Variants in CADM2 observed in about 807,000 individuals in gnomAD.
The protein encoded by CADM2 is immunoglobulin superfamily member 4D.
CADM2 carries 12 observed loss-of-function variants against 49.8 expected under a neutral mutation model. The ratio of observed to expected loss-of-function variants is 0.24; its 90% CI spans 0.15 to 0.39. The LOEUF is 0.39. CADM2 is among the 10% of genes least tolerant of loss of function. The pLI is 1.00. For synonymous variants in CADM2, 214 were observed against 175.4 expected (o/e 1.22, Z -1.74); for missense variants, 378 against 492.3 (o/e 0.77, Z 2.20).
chr3:85,616,208 A>G (rs1362826246), intron 1 of CADM2, among the ~76,000 whole-genome samples: 1 of 151,736 alleles, frequency 6.6e-6, no homozygotes, highest in Non-Finnish European at 1.5e-5. Flanking sequence ...GATCAGTACT[A>G]GAATAAAAAC....
At chr3:85,928,455 T>A (rs1577687710) in intron 6 of CADM2, among the ~76,000 whole-genome samples, 1 of 151,926 alleles carries the variant, frequency 6.6e-6, no homozygotes, top group African/African-American at 2.4e-5. Flanking sequence ...CCACGCCCAG[T>A]CAAAAGAAGA....
intron 1 of CADM2, among the ~76,000 whole-genome samples, chr3:85,623,639 G>A (rs544676472): frequency 4.5e-4 from 68 of 152,226 alleles, no homozygotes; most frequent in African/African-American, 1.1e-3. Flanking sequence ...CTCTTATGTC[G>A]AGTTTCTTGT....
intron 1 of CADM2, among the ~76,000 whole-genome samples, chr3:85,216,215 A>T (rs114233926): frequency 0.072 from 10,751 of 150,358 alleles, 1,294 homozygotes; most frequent in African/African-American, 0.25. Context: ...AATTATGAAG[A>T]ATATATTTGT....
chr3:85,196,560 G>C (rs2041348039), intron 1 of CADM2, among the ~76,000 whole-genome samples: 1 of 151,924 alleles, frequency 6.6e-6, no homozygotes, highest in African/African-American at 2.4e-5. Flanking sequence ...AGGTTTATAG[G>C]TTTTAAATAA....
chr3:85,374,484 G>A (rs2033469024), intron 1 of CADM2, among the ~76,000 whole-genome samples: 1 of 152,100 alleles, frequency 6.6e-6, no homozygotes, highest in Non-Finnish European at 1.5e-5. Flanking sequence ...TCCAACCTCT[G>A]TTTGGTACTC....
At chr3:85,366,330 A>T (rs1436248387) in intron 1 of CADM2, among the ~76,000 whole-genome samples, 1 of 152,228 alleles carries the variant, frequency 6.6e-6, no homozygotes, top group Non-Finnish European at 1.5e-5. Flanking sequence ...CTGGCCCATT[A>T]CACACCTGCG....
At chr3:85,968,761 G>A (rs936696327) in intron 8 of CADM2, among the ~76,000 whole-genome samples, 1 of 151,588 alleles carries the variant, frequency 6.6e-6, no homozygotes, top group Non-Finnish European at 1.5e-5. Context: ...CCAAGTATAT[G>A]TGTGTTAATT....
chr3:85,882,306 T>G (rs1317707545), intron 3 of CADM2, among the ~76,000 whole-genome samples: 1 of 152,142 alleles, frequency 6.6e-6, no homozygotes. Context: ...GTAAGGCTCC[T>G]ACTTCATTCT....
intron 1 of CADM2, among the ~76,000 whole-genome samples, chr3:85,148,813 TTAAGTA>T (rs2039830692): frequency 6.6e-6 from 1 of 152,186 alleles, no homozygotes; most frequent in Admixed American, 6.5e-5. Flanking sequence ...TTACTATTCA[TTAAGTA>T]TAAGCTGATA....
chr3:86,047,572 C>A lies in CADM2; in HGVS notation c.971-18033C>A, dbSNP rs1274735491. Among the ~76,000 whole-genome samples the A allele has an allele frequency of 4.6e-5, 7 of 152,236 alleles. No individual in the cohort carries two copies. In the East Asian group the frequency reaches 1.2e-3, roughly 25 times the overall value. ...GAGTAGAGCTACAAGTCACTTTGTG[C>A]CTCAAGAAAGTGAAGTAAAGTAAAA... On this transcript the variant is annotated intron_variant, in intron 8 of 9. Transcript: ENST00000383699.
chr3:85,119,808 T>A (rs2038787203), intron 1 of CADM2, among the ~76,000 whole-genome samples: 1 of 152,196 alleles, frequency 6.6e-6, no homozygotes, highest in South Asian at 2.1e-4. Context: ...GTTTGTCTAT[T>A]GTTGGTGTAT....
At chr3:85,131,327 G>T (rs1395833490) in intron 1 of CADM2, among the ~76,000 whole-genome samples, 5 of 152,176 alleles carry the variant, frequency 3.3e-5, no homozygotes, top group African/African-American at 1.2e-4. Flanking sequence ...AGATAGATAG[G>T]ACAATGAGAA....
intron 5 of CADM2, among the ~76,000 whole-genome samples, chr3:85,899,801 G>A (rs770650516): frequency 1.3e-5 from 2 of 152,150 alleles, no homozygotes; most frequent in Non-Finnish European, 2.9e-5. Flanking sequence ...TTACGGTCCT[G>A]TTTGAACATC....
intron 2 of CADM2, among the ~76,000 whole-genome samples, chr3:85,728,325 A>C (rs1577177146): frequency 6.6e-6 from 1 of 152,160 alleles, no homozygotes; most frequent in East Asian, 1.9e-4. Flanking sequence ...ACTAGCCTGT[A>C]GGGGCCTTAA....
chr3:85,134,316 A>G (rs1559681598), intron 1 of CADM2, among the ~76,000 whole-genome samples: 1 of 152,196 alleles, frequency 6.6e-6, no homozygotes, highest in Non-Finnish European at 1.5e-5. Flanking sequence ...CCCACAGTGC[A>G]GCGGCGGGCC....
intron 2 of CADM2, among the ~76,000 whole-genome samples, chr3:85,758,040 T>C (rs534065022): frequency 4.4e-4 from 67 of 152,272 alleles, no homozygotes; most frequent in African/African-American, 1.6e-3. Context: ...ACTCCGGATA[T>C]ATTATTGACG....
intron 2 of CADM2, among the ~76,000 whole-genome samples, chr3:85,726,864 GA>G (rs1467732607): frequency 1.1e-4 from 16 of 152,032 alleles, no homozygotes; most frequent in African/African-American, 3.9e-4. Flanking sequence ...ATAAAATTGA[GA>G]ATTGGGCAAA....
At chr3:85,967,398 G>T (rs1186873776) in intron 8 of CADM2, among the ~76,000 whole-genome samples, 1 of 151,558 alleles carries the variant, frequency 6.6e-6, no homozygotes, top group Non-Finnish European at 1.5e-5. Context: ...TTCCTTTAGA[G>T]TTGTCAGTAC....
intron 1 of CADM2, among the ~76,000 whole-genome samples, chr3:84,996,297 T>C (rs2033175583): frequency 6.6e-6 from 1 of 152,144 alleles, no homozygotes; most frequent in Non-Finnish European, 1.5e-5. Context: ...ATTGCCTCTA[T>C]GTTTAAATTA....
Sources: allele counts gnomAD v4.1 joint callset (sites outside exome capture counted in the v4.1 genomes callset), GRCh38; gene constraint gnomAD v4.1.1; transcripts MANE v1.5; gene names NCBI Gene and HGNC (gene_info 2026-07-23, HGNC 2026-07-21).